ZMIZ1: variants seen among roughly 807,000 people sequenced by gnomAD.
ZMIZ1 encodes zinc finger MIZ domain-containing protein 1.
ZMIZ1 carries 17 observed loss-of-function variants against 113.9 expected under a neutral mutation model. The observed-to-expected ratio is 0.15, with a 90% CI of 0.10 to 0.22. The LOEUF is 0.22. Among genes scored for constraint, ZMIZ1 ranks in the 10% least tolerant of loss-of-function variants. ZMIZ1 has a pLI of 1.00. For synonymous variants in ZMIZ1, 607 were observed against 603.1 expected (o/e 1.01, Z -0.09); for missense variants, 1,059 against 1,477.8 (o/e 0.72, Z 4.65).
At chr10:79,081,508 G>A (rs1204936387) in intron 1 of ZMIZ1, among the ~76,000 whole-genome samples, 4 of 152,186 alleles carry the variant, frequency 2.6e-5, no homozygotes, top group Admixed American at 2.6e-4. Flanking sequence ...AGACATTCCA[G>A]GAGGCTGAGA....
At chr10:79,201,235 G>A (rs557871188) in intron 4 of ZMIZ1, among the ~76,000 whole-genome samples, 1 of 152,300 alleles carries the variant, frequency 6.6e-6, no homozygotes, top group Admixed American at 6.5e-5. Flanking sequence ...TTGAACCTGG[G>A]AGGCAGAGGT....
At position 79,292,178 on chromosome 10, in the gene ZMIZ1, C is replaced by T; in HGVS notation, c.779C>T (p.Ala260Val). Residue 260 changes from alanine to valine, a missense_variant, in exon 11 of 25, where the codon GCC becomes GTC. Around this residue, in one of 6 missense-constraint regions of ZMIZ1, gnomAD observed 272 missense variants for 350.4 expected, o/e 0.78. Coordinates refer to ENST00000334512, the MANE Select transcript of ZMIZ1 (RefSeq NM_020338.4). ...TGCAGTTACCCTGGGGGTCCTAACG[C>T]CCCCGCAGGCATGGGCATCCCTCCG... ...FGASYPGGPN[A>V]PAGMGIPPHT... 6.2e-7 allele frequency: 1 copy of T among 1,610,646 alleles called. No individual in the cohort carries two copies. Among genetic ancestry groups the T allele is most frequent in the Admixed American group, 1.7e-5 (1 of 59,958 alleles).
rs918575534 is a variant in ZMIZ1 at position 79,302,352 on chromosome 10, G to C, written c.2125+140G>C. 20 of 807,780 alleles carry C rather than the reference G, an allele frequency of 2.5e-5. No homozygotes were observed. The South Asian group carries it at 3.0e-4, about 12-fold the overall frequency. The allele number at this position is 807,780 out of a possible 1,614,324, so 50.0% of individuals were successfully genotyped here. ...CCGGGCCTGGAGTGTCCCTGAGCGC[G>C]CCCTGTCCTGAGGCTCATGCCCTCC... On this transcript the variant is annotated intron_variant, in intron 18 of 24. Transcript: ENST00000334512.
intron 7 of ZMIZ1, among the ~76,000 whole-genome samples, chr10:79,221,520 C>T (rs915596196): frequency 2.0e-5 from 3 of 152,222 alleles, no homozygotes; most frequent in Admixed American, 1.3e-4. Flanking sequence ...CCTTGATTCT[C>T]CCCAGGCCGG....
At chr10:79,262,225 A>C (rs1851312706) in intron 7 of ZMIZ1, among the ~76,000 whole-genome samples, 2 of 152,250 alleles carry the variant, frequency 1.3e-5, no homozygotes, top group Admixed American at 1.3e-4. Flanking sequence ...TGGGGTCCCC[A>C]GGTCAGCAGC....
At chr10:79,169,170 G>A (rs889146407) in intron 4 of ZMIZ1, among the ~76,000 whole-genome samples, 4 of 152,186 alleles carry the variant, frequency 2.6e-5, no homozygotes, top group African/African-American at 9.7e-5. Flanking sequence ...GGGACAGGCT[G>A]GCATGAGACG....
intron 1 of ZMIZ1, among the ~76,000 whole-genome samples, chr10:79,087,295 C>G (rs187791817): frequency 1.3e-5 from 2 of 152,364 alleles, no homozygotes; most frequent in Non-Finnish European, 2.9e-5. Context: ...GGTTCTAATT[C>G]TCATAAAGCC....
intron 1 of ZMIZ1, among the ~76,000 whole-genome samples, chr10:79,074,405 A>G (rs1842402618): frequency 2.0e-5 from 3 of 152,170 alleles, no homozygotes; most frequent in Admixed American, 6.5e-5. Flanking sequence ...TCCCCCTCCC[A>G]TATGGCAGCA....
intron 4 of ZMIZ1, among the ~76,000 whole-genome samples, chr10:79,171,879 G>T (rs1219479990): frequency 6.6e-6 from 1 of 152,172 alleles, no homozygotes; most frequent in African/African-American, 2.4e-5. Context: ...CAGCAAGGAC[G>T]GAGCCATGCT....
intron 4 of ZMIZ1, among the ~76,000 whole-genome samples, chr10:79,196,382 G>A (rs765858685): frequency 2.6e-5 from 4 of 152,322 alleles, no homozygotes; most frequent in African/African-American, 7.2e-5. Context: ...CTGGGACCTG[G>A]ACCCAGCCCA....
At chr10:79,195,460 A>C (rs933906310) in intron 4 of ZMIZ1, among the ~76,000 whole-genome samples, 1 of 152,238 alleles carries the variant, frequency 6.6e-6, no homozygotes, top group African/African-American at 2.4e-5. Flanking sequence ...ACCTGGGGCC[A>C]GGCCGACAGT....
At chr10:79,229,063 T>C (rs1442715483) in intron 7 of ZMIZ1, among the ~76,000 whole-genome samples, 1 of 152,212 alleles carries the variant, frequency 6.6e-6, no homozygotes, top group Admixed American at 6.5e-5. Context: ...CTCTCTCCAC[T>C]GAGCTTGGGG....
chr10:79,187,182 GGAATC>G (rs555398585), intron 4 of ZMIZ1, among the ~76,000 whole-genome samples: 2 of 152,184 alleles, frequency 1.3e-5, no homozygotes, highest in Non-Finnish European at 2.9e-5. Flanking sequence ...AGATGCCTTA[GGAATC>G]ATCTCACCCC....
intron 7 of ZMIZ1, among the ~76,000 whole-genome samples, chr10:79,219,391 A>G (rs1278837732): frequency 2.0e-5 from 3 of 152,198 alleles, no homozygotes; most frequent in Non-Finnish European, 2.9e-5. Flanking sequence ...TTTATGGATG[A>G]AAAAATGGAA....
At chr10:79,276,990 G>C (rs1196501923) in intron 7 of ZMIZ1, among the ~76,000 whole-genome samples, 191 bp from the exon 8 acceptor site, 1 of 152,088 alleles carries the variant, frequency 6.6e-6, no homozygotes, top group African/African-American at 2.4e-5. Flanking sequence ...CTCCTTCAAG[G>C]GTGTCAGTCC....
Position 79,314,399 on chromosome 10 carries a change from C to T in ZMIZ1, c.*1650C>T. On this transcript the variant is annotated 3_prime_UTR_variant, in exon 25 of 25. Transcript: ENST00000334512. ...CTGTGGGTTTTACCGGAAAGGTGGC[C>T]CCAGCTGTTGACTTCCAGTCACTGT... 1 of 374,296 alleles carries T rather than the reference C, an allele frequency of 2.7e-6. No individual in the cohort carries two copies. The highest frequency in any genetic ancestry group is 5.4e-6 in the Non-Finnish European group (1 of 186,258). The allele number at this position is 374,296 out of a possible 1,614,324, so 23.2% of individuals were successfully genotyped here. A position where few individuals can be genotyped will look rare whatever the true frequency, so the allele number is the denominator to read the frequency against.
At chr10:79,259,523 T>C (rs1421890023) in intron 7 of ZMIZ1, among the ~76,000 whole-genome samples, 1 of 152,202 alleles carries the variant, frequency 6.6e-6, no homozygotes, top group East Asian at 1.9e-4. Flanking sequence ...CATTCTTCCA[T>C]AGGAAAATTT....
chr10:79,138,613 G>A (rs889195265), intron 2 of ZMIZ1, among the ~76,000 whole-genome samples: 1 of 152,158 alleles, frequency 6.6e-6, no homozygotes, highest in Non-Finnish European at 1.5e-5. Flanking sequence ...TACATCCCTT[G>A]GCCTGATACA....
intron 2 of ZMIZ1, among the ~76,000 whole-genome samples, chr10:79,122,070 C>T (rs971946502): frequency 2.0e-5 from 3 of 152,222 alleles, no homozygotes; most frequent in Non-Finnish European, 4.4e-5. Flanking sequence ...AAGCTTGTGG[C>T]CCTGTGTGAC....
Sources: allele counts gnomAD v4.1 joint callset (sites outside exome capture counted in the v4.1 genomes callset), GRCh38; gene constraint gnomAD v4.1.1; regional missense constraint gnomAD v4.1.1; transcripts MANE v1.5; gene names NCBI Gene and HGNC (gene_info 2026-07-23, HGNC 2026-07-21).